Variants in CHRNA3 observed in about 807,000 individuals in gnomAD.
CHRNA3 encodes neuronal acetylcholine receptor subunit alpha-3.
A neutral mutation model predicts 41.9 loss-of-function variants in CHRNA3; 34 were observed. That is an observed-to-expected ratio of 0.81 (90% CI 0.62 to 1.08). The LOEUF (loss-of-function observed/expected upper bound fraction) is 1.08. Ranked by LOEUF, CHRNA3 falls within the 50% of genes least tolerant of loss-of-function variation. The probability of loss-of-function intolerance (pLI) is 0.00; values close to 1 mark genes in which losing one functional copy is unlikely to be tolerated. For missense variants in CHRNA3, 542 were observed against 638.3 expected, an observed-to-expected ratio of 0.85 and a Z score of 1.63; for synonymous variants, 281 against 265.2, an observed-to-expected ratio of 1.06 and a Z score of -0.58.
chr15:78,620,938 C>T lies in CHRNA3; in HGVS notation c.-144G>A, dbSNP rs2053542309. ...AGACGCGCGGGGCTCCTCTCCGCTT[C>T]GCCGCCGCTGGGTTTCCAGCGCCCT... On this transcript the variant is annotated 5_prime_UTR_variant, in exon 1 of 6. Transcript: ENST00000326828. 9.0e-7 allele frequency: 1 copy of T among 1,114,544 alleles called. No individual in the cohort carries two copies. Among genetic ancestry groups the T allele is most frequent in the Non-Finnish European group, 1.1e-6 (1 of 884,406 alleles). 69.0% of individuals were successfully genotyped at this position (1,114,544 alleles called of 1,614,324 possible).
At chr15:78,609,390 C>T (rs2141335501) in intron 4 of CHRNA3, among the ~76,000 whole-genome samples, 1 of 152,308 alleles carries the variant, frequency 6.6e-6, no homozygotes, top group South Asian at 2.1e-4. Context: ...TCGGCAGATA[C>T]TCTACAAGCC....
chr15:78,616,368 A>C (rs76417454), intron 4 of CHRNA3, among the ~76,000 whole-genome samples: 4,599 of 14,098 alleles, frequency 0.33, 237 homozygotes, highest in East Asian at 0.46. Flanking sequence ...CCACCCCCCC[A>C]AAAAAAAAGC....
At chr15:78,603,888 A>G (rs2053243488) in intron 4 of CHRNA3, among the ~76,000 whole-genome samples, 3 of 152,100 alleles carry the variant, frequency 2.0e-5, no homozygotes, top group South Asian at 2.1e-4. Flanking sequence ...GGAAAAAGGG[A>G]GAGGTAGGAG....
intron 5 of CHRNA3, among the ~76,000 whole-genome samples, chr15:78,600,786 T>C (rs765434078): frequency 3.8e-4 from 57 of 151,082 alleles, no homozygotes; most frequent in Non-Finnish European, 6.8e-4. Context: ...GGAGAATCGC[T>C]TGAGCTGGGA....
At chr15:78,599,203 C>G (rs1410006055) in intron 5 of CHRNA3, among the ~76,000 whole-genome samples, 1 of 152,094 alleles carries the variant, frequency 6.6e-6, no homozygotes, top group African/African-American at 2.4e-5. Flanking sequence ...GTTTTGAACT[C>G]CTGGGCTCAA....
At chr15:78,599,175 C>T (rs2053158263) in intron 5 of CHRNA3, among the ~76,000 whole-genome samples, 1 of 151,960 alleles carries the variant, frequency 6.6e-6, no homozygotes, top group Non-Finnish European at 1.5e-5. Flanking sequence ...AAAGGGTTTC[C>T]CTACGTGGCC....
At position 78,597,387 on chromosome 15, in the gene CHRNA3, C is replaced by T. The variant is rs542938929; in HGVS notation, c.1390-655G>A. On this transcript the variant is annotated intron_variant, in intron 5 of 5. Coordinates refer to ENST00000326828, the MANE Select transcript of CHRNA3 (RefSeq NM_000743.5). ...CGGAGGTTGCAGTGAGCAGAGATCACGCCACTGCACTCCAGCCTGGGCAAC... is the reference window on the plus strand; with the variant it reads ...CGGAGGTTGCAGTGAGCAGAGATCATGCCACTGCACTCCAGCCTGGGCAAC... Among the ~76,000 whole-genome samples the T allele has an allele frequency of 2.2e-4, 34 of 152,226 alleles. No homozygotes were observed. In the South Asian group the frequency reaches 4.8e-3, roughly 21 times the overall value.
intron 4 of CHRNA3, among the ~76,000 whole-genome samples, chr15:78,610,260 A>G (rs1318127755): frequency 6.6e-6 from 1 of 152,180 alleles, no homozygotes; most frequent in Non-Finnish European, 1.5e-5. Context: ...ACCCCAAATC[A>G]ACAGAACATA....
intron 4 of CHRNA3, among the ~76,000 whole-genome samples, chr15:78,615,735 C>T (rs74386627): frequency 0.069 from 9,662 of 139,452 alleles, 869 homozygotes; most frequent in East Asian, 0.32. Context: ...ATTCAGGCAC[C>T]TGTATTTTTT....
intron 4 of CHRNA3, among the ~76,000 whole-genome samples, chr15:78,610,907 G>T (rs1042086838): frequency 7.2e-5 from 11 of 152,204 alleles, no homozygotes; most frequent in African/African-American, 2.7e-4. Context: ...CGATCCCACA[G>T]AAATACAAAT....
At chr15:78,611,373 T>C (rs990700546) in intron 4 of CHRNA3, among the ~76,000 whole-genome samples, 2 of 151,604 alleles carry the variant, frequency 1.3e-5, no homozygotes, top group African/African-American at 4.9e-5. Flanking sequence ...TTATCCACCA[T>C]GATCAAGTGG....
At chr15:78,613,758 AAACAAAC>A (rs1281685721) in intron 4 of CHRNA3, among the ~76,000 whole-genome samples, 2 of 77,428 alleles carry the variant, frequency 2.6e-5, no homozygotes, top group Non-Finnish European at 5.0e-5. Flanking sequence ...AAGCAGTGGC[AAACAAAC>A]AAAAAAAAAA....
chr15:78,601,783 G>C lies in CHRNA3; in HGVS notation c.859C>G (p.Leu287Val). 1 of 1,614,160 alleles carries C rather than the reference G, an allele frequency of 6.2e-7. No homozygotes were observed. The highest frequency in any genetic ancestry group is 1.1e-5 in the South Asian group (1 of 91,086). Residue 287 changes from leucine to valine, a missense_variant, in exon 5 of 6, where the codon CTC (leucine) becomes GTC (valine). Physicochemically the swap from Leu to Val is conservative, Grantham distance 32. Coordinates refer to ENST00000326828, the MANE Select transcript of CHRNA3 (RefSeq NM_000743.5). ...GGGATGGTCTCAGTGATCACCAGGAGAAACACCGTCAGGGAGAGGAGGACA... is the reference window on the plus strand; with the variant it reads ...GGGATGGTCTCAGTGATCACCAGGACAAACACCGTCAGGGAGAGGAGGACA... ...ISVLLSLTVF[L>V]LVITETIPST...
In CHRNA3 at chr15:78,618,607, G is replaced by C. The variant is rs2053501106; in HGVS notation, c.267+10C>G. ...CAGGGGGCAGCAGTGCCTAGGGTCT[G>C]GTCACTTACTTGCTTGAGCCACAGG... is the stretch of plus-strand genomic sequence containing the variant. On this transcript the variant is annotated intron_variant, in intron 3 of 5. Coordinates refer to ENST00000326828, the MANE Select transcript of CHRNA3 (RefSeq NM_000743.5). 6.2e-7 allele frequency: 1 copy of C among 1,613,932 alleles called. No homozygotes were observed. The highest frequency in any genetic ancestry group is 8.5e-7 in the Non-Finnish European group (1 of 1,179,922).
chr15:78,616,498 C>T (rs1036896341), intron 4 of CHRNA3, among the ~76,000 whole-genome samples: 3 of 152,010 alleles, frequency 2.0e-5, no homozygotes, highest in African/African-American at 7.2e-5. Flanking sequence ...GAGGAGGGAC[C>T]GTTTACTCCA....
At position 78,617,032 on chromosome 15, in the gene CHRNA3, C is replaced by G. The variant is rs200679144; in HGVS notation, c.369G>C (p.Leu123=). Reference sequence around the variant, plus strand: ...GCCCCCCAGCACCTTACTTGTTATACAGCACAATGTCTGGCTTCCAGATCT... The same window carrying G: ...GCCCCCCAGCACCTTACTTGTTATAGAGCACAATGTCTGGCTTCCAGATCT... ...AQKIWKPDIV[L]YNNAVGDFQV... Residue 123 remains leucine (L), a synonymous_variant, in exon 4 of 6, where the codon CTG becomes CTC. Transcript: ENST00000326828. The G allele has an allele frequency of 3.7e-6, 6 of 1,612,424 alleles. No individual in the cohort carries two copies. Among genetic ancestry groups the G allele is most frequent in the Non-Finnish European group, 5.1e-6 (6 of 1,179,094 alleles).
At chr15:78,613,776 C>A (rs11856778) in intron 4 of CHRNA3, among the ~76,000 whole-genome samples, 5,939 of 66,088 alleles carry the variant, frequency 0.09, 401 homozygotes, top group African/African-American at 0.26. Context: ...AAAAAAAAAA[C>A]CAAAAAAAAC....
chr15:78,618,519 G>A (rs1463600707), intron 3 of CHRNA3, 98 bp downstream of exon 3: 1 of 1,422,156 alleles, frequency 7.0e-7, no homozygotes, highest in East Asian at 2.3e-5. Flanking sequence ...TTCCACAGAA[G>A]TAAATGAAGC....
intron 3 of CHRNA3, chr15:78,618,399 G>A: frequency 1.7e-6 from 1 of 580,466 alleles, no homozygotes; most frequent in African/African-American, 1.9e-5. Flanking sequence ...TGTCCATCTG[G>A]GACTTGAGGG....
Sources: gnomAD v4.1 joint callset for allele counts (sites outside exome capture counted in the v4.1 genomes callset) on GRCh38, gnomAD v4.1.1 for gene constraint, MANE v1.5 for transcripts, NCBI Gene and HGNC (gene_info 2026-07-23, HGNC 2026-07-21) for gene names.